Variants in ZRANB1 observed in about 807,000 individuals in gnomAD.
ZRANB1 encodes ubiquitin thioesterase ZRANB1.
A neutral mutation model predicts 80.5 loss-of-function variants in ZRANB1; 16 were observed. That is an observed-to-expected ratio of 0.20 (90% confidence interval 0.13 to 0.30). The LOEUF is 0.30. Ranked by LOEUF, ZRANB1 falls within the 10% of genes least tolerant of loss-of-function variation. The pLI is 1.00. For synonymous variants in ZRANB1, 291 were observed against 293.1 expected (o/e 0.99, Z 0.07); for missense variants, 576 against 862.6 (o/e 0.67, Z 4.16).
At chr10:124,928,600 T>C in the ZRANB1 span, among the ~76,000 whole-genome samples, 20,049 of 152,212 alleles carry the variant, frequency 0.13, 1,758 homozygotes, top group South Asian at 0.27. Flanking sequence ...TTACATAAAA[T>C]ACTGTTGAAA....
chr10:124,930,750 C>T, the ZRANB1 span, among the ~76,000 whole-genome samples: 3 of 152,168 alleles, frequency 2.0e-5, no homozygotes, highest in Non-Finnish European at 2.9e-5. Context: ...AAAGATTAAT[C>T]ATGGCTATGT....
rs1180966108 is a variant in ZRANB1 at position 124,981,665 on chromosome 10, A to G, written c.1428-44A>G. ...GATCAGAACTTTAAATGTTTTATTT[A>G]TAGAAGACTATTTATTTATTTTTTT... On this transcript the variant is annotated intron_variant, in intron 5 of 8. Transcript: ENST00000359653. 5 of 1,514,766 alleles carry G rather than the reference A, an allele frequency of 3.3e-6. No homozygotes were observed. The East Asian group carries it at 9.6e-5, about 29-fold the overall frequency. The allele number at this position is 1,514,766 out of a possible 1,614,324, so 93.8% of individuals were successfully genotyped here.
intron 1 of ZRANB1, among the ~76,000 whole-genome samples, chr10:124,957,172 GTT>G (rs34968792): frequency 5.2e-4 from 76 of 145,560 alleles, no homozygotes; most frequent in Admixed American, 7.5e-4. Context: ...AACAGCACCT[GTT>G]TTTTTTTTTT....
chr10:124,922,260 A>AATAT, the ZRANB1 span, among the ~76,000 whole-genome samples: 30 of 105,924 alleles, frequency 2.8e-4, no homozygotes, highest in African/African-American at 6.7e-4. Flanking sequence ...ATATATGTAA[A>AATAT]ATATATATAT....
chr10:124,962,499 C>T, intron 1 of ZRANB1: 1 of 685,684 alleles, frequency 1.5e-6, no homozygotes, highest in Non-Finnish European at 1.8e-6. Context: ...TAAGGCAAAA[C>T]TTTGAAAACT....
the ZRANB1 span, among the ~76,000 whole-genome samples, chr10:124,928,584 A>G: frequency 6.6e-6 from 1 of 152,236 alleles, no homozygotes; most frequent in Non-Finnish European, 1.5e-5. Context: ...AGGATTTTCT[A>G]AAAGATTACA....
At chr10:124,923,826 C>T in the ZRANB1 span, among the ~76,000 whole-genome samples, 2 of 151,806 alleles carry the variant, frequency 1.3e-5, no homozygotes, top group Non-Finnish European at 2.9e-5. Flanking sequence ...GATCCGGTCA[C>T]TTCCCACCGG....
In ZRANB1 at chr10:124,943,431, GA is replaced by G; in HGVS notation, c.814+125del. 3 of 879,466 alleles carry G rather than the reference GA, an allele frequency of 3.4e-6. No individual in the cohort carries two copies. In the South Asian group the frequency reaches 5.3e-5, roughly 16 times the overall value. 54.5% of individuals were successfully genotyped at this position (879,466 alleles called of 1,614,324 possible). A position where few individuals can be genotyped will look rare whatever the true frequency, so the allele number is the denominator to read the frequency against. ...GCCACTTGCTTGAAACCAGGAGTTTGAGGCTGTAGTATGCCATGATCGGTCT... is the reference window on the plus strand; with the variant it reads ...GCCACTTGCTTGAAACCAGGAGTTTGGGCTGTAGTATGCCATGATCGGTCT... On this transcript the variant is annotated intron_variant, in intron 1 of 8. Transcript: ENST00000359653.
At chr10:124,952,302 C>T (rs1353835579) in intron 1 of ZRANB1, among the ~76,000 whole-genome samples, 2 of 152,072 alleles carry the variant, frequency 1.3e-5, no homozygotes, top group Non-Finnish European at 2.9e-5. Context: ...TAAATCACAG[C>T]GGGAGACAGG....
the ZRANB1 span, among the ~76,000 whole-genome samples, chr10:124,923,583 AAAAG>A: frequency 6.6e-6 from 1 of 151,996 alleles, no homozygotes. Context: ...GAAGAAAAGA[AAAAG>A]AACTACCTGA....
At chr10:124,972,292 T>G (rs1951833837) in intron 3 of ZRANB1, among the ~76,000 whole-genome samples, 174 bp downstream of exon 3, 1 of 152,254 alleles carries the variant, frequency 6.6e-6, no homozygotes, top group South Asian at 2.1e-4. Flanking sequence ...GATTACTTGT[T>G]AGGAAATGCG....
chr10:124,919,988 C>T, the ZRANB1 span, among the ~76,000 whole-genome samples: 1 of 133,584 alleles, frequency 7.5e-6, no homozygotes, highest in Non-Finnish European at 1.6e-5. Flanking sequence ...GGCATGATCT[C>T]GGTTCACTAC....
chr10:124,947,026 TA>T (rs1261648679), intron 1 of ZRANB1, among the ~76,000 whole-genome samples: 2 of 152,366 alleles, frequency 1.3e-5, no homozygotes, highest in East Asian at 3.8e-4. Flanking sequence ...TTGTAGCTGA[TA>T]AACTAGGAAT....
the ZRANB1 span, among the ~76,000 whole-genome samples, chr10:124,930,957 G>C: frequency 6.6e-6 from 1 of 152,242 alleles, no homozygotes; most frequent in South Asian, 2.1e-4. Context: ...TTGAGTCTGG[G>C]AGGTCGAGGT....
At chr10:124,972,930 C>T (rs984439849) in intron 3 of ZRANB1, among the ~76,000 whole-genome samples, 2 of 152,020 alleles carry the variant, frequency 1.3e-5, no homozygotes, top group Non-Finnish European at 2.9e-5. Context: ...GCACATGCCA[C>T]CCACCCCTGG....
At position 124,966,774 on chromosome 10, in the gene ZRANB1, T is replaced by C. The variant is rs751098433; in HGVS notation, c.995T>C (p.Leu332Pro). The C allele has an allele frequency of 6.2e-7, 1 of 1,611,284 alleles. No homozygotes were observed. Among genetic ancestry groups the C allele is most frequent in the East Asian group, 2.2e-5 (1 of 44,846 alleles). ...AGGCAGGATATGCTAGCAATATTGC[T>C]TACAGAGGTAAGTTTGGCGTTTTGG... The part of the protein sequence containing the change: ...FQRQDMLAIL[L>P]TEVSQQAAKC... The change falls in exon 2 of 9, where the codon CTT (leucine) becomes CCT (proline). Residue 332 changes from leucine (L) to proline (P), a missense_variant. This residue lies in a region of ZRANB1 where 411 missense variants were observed against 583.1 expected (regional missense o/e 0.70). Coordinates refer to ENST00000359653, the MANE Select transcript of ZRANB1 (RefSeq NM_017580.3).
In ZRANB1 at chr10:124,942,217, CTT is replaced by C. The variant is rs1951542154; in HGVS notation, c.-274_-273del. 2 of 1,254,634 alleles carry C rather than the reference CTT, an allele frequency of 1.6e-6. No individual in the cohort carries two copies. Among genetic ancestry groups the C allele is most frequent in the South Asian group, 1.9e-5 (1 of 52,428 alleles). 77.7% of individuals were successfully genotyped at this position (1,254,634 alleles called of 1,614,324 possible). The stretch of plus-strand genomic sequence containing the variant: ...ACCTCGTTATATCTCCTGCCTATCT[CTT>C]TTGCATTCCAAAGTTCAGTTTTATT... On this transcript the variant is annotated 5_prime_UTR_variant, in exon 1 of 9. The change abolishes the stop of an existing upstream ORF in the 5' untranslated region. Coordinates refer to ENST00000359653, the MANE Select transcript of ZRANB1 (RefSeq NM_017580.3).
At chr10:124,970,925 C>T (rs768425107) in intron 2 of ZRANB1, among the ~76,000 whole-genome samples, 2 of 146,966 alleles carry the variant, frequency 1.4e-5, no homozygotes, top group Non-Finnish European at 3.0e-5. Context: ...TCAACTTCCT[C>T]CTCCCGGGTT....
rs1589850024 is a variant in ZRANB1 at position 124,966,524 on chromosome 10, G to C, written c.815-70G>C. On this transcript the variant is annotated intron_variant, in intron 1 of 8. Coordinates refer to ENST00000359653, the MANE Select transcript of ZRANB1 (RefSeq NM_017580.3). ...AGAAACACTTAAAAGATTTTGGAGT[G>C]ATTGCTACGGTTTGTGTTTTTTGAA... The C allele has an allele frequency of 1.5e-5, 22 of 1,473,550 alleles. No individual in the cohort carries two copies. The East Asian group carries it at 4.8e-4, about 32-fold the overall frequency. 91.3% of individuals were successfully genotyped at this position (1,473,550 alleles called of 1,614,324 possible).
Sources: gnomAD v4.1 joint callset for allele counts (sites outside exome capture counted in the v4.1 genomes callset) on GRCh38, gnomAD v4.1.1 for gene constraint, gnomAD v4.1.1 regional missense constraint, MANE v1.5 for transcripts, NCBI Gene and HGNC (gene_info 2026-07-23, HGNC 2026-07-21) for gene names.